The following CFAP74 variants were observed in gnomAD, a reference collection of about 807,000 sequenced individuals.
CFAP74 encodes cilia- and flagella-associated protein 74.
CFAP74 carries 124 observed loss-of-function variants against 188.9 expected under a neutral mutation model. The ratio of observed to expected loss-of-function variants is 0.66; its 90% CI spans 0.57 to 0.76. The LOEUF (loss-of-function observed/expected upper bound fraction) is 0.76, where lower values mean the gene tolerates loss of function less well. CFAP74 is among the 30% of genes least tolerant of loss of function. The pLI, the probability that CFAP74 is intolerant of heterozygous loss-of-function variation, is 0.00. For synonymous variants in CFAP74, 956 were observed against 916.7 expected (o/e 1.04, Z -0.77); for missense variants, 2,198 against 2,165.2 (o/e 1.02, Z -0.30).
rs1267246593 is a variant in CFAP74, at chr1:1,927,838, G to A, written c.3388-92C>T. On this transcript the variant is annotated intron_variant, in intron 27 of 38. Transcript: ENST00000682832. ...CTCCTCTGCGGCCAGTGCGGGAACCGCGGGAGCCGCAGTTGGGATTGAATG... is the reference window on the plus strand; with the variant it reads ...CTCCTCTGCGGCCAGTGCGGGAACCACGGGAGCCGCAGTTGGGATTGAATG... 3.6e-5 allele frequency: 50 copies of A among 1,403,436 alleles called. No individual in the cohort carries two copies. The East Asian group carries it at 8.8e-4, about 25-fold the overall frequency. 86.9% of individuals were successfully genotyped at this position (1,403,436 alleles called of 1,614,324 possible).
At chr1:1,954,839 A>T in intron 18 of CFAP74, 1 of 1,145,398 alleles carries the variant, frequency 8.7e-7, no homozygotes, top group Non-Finnish European at 1.1e-6. Flanking sequence ...ATGCCCTGTG[A>T]TGCAGGCATG....
chr1:1,975,337 C>G lies in CFAP74; in HGVS notation c.501-1139G>C, dbSNP rs1341430596. Among the ~76,000 whole-genome samples the G allele has an allele frequency of 1.3e-5, 2 of 152,152 alleles. No homozygotes were observed. ...GTTTTCTCTTTTAACGTGTTAATGT[C>G]AAGGATTTCTAACGTTGAGCCTTTT... On this transcript the variant is annotated intron_variant, in intron 6 of 38. Transcript: ENST00000682832. The surrounding 1 kb of genome is among the most constrained non-coding windows in gnomAD (Gnocchi z 4.5).
chr1:1,997,657 C>T (rs1287222668), intron 1 of CFAP74, among the ~76,000 whole-genome samples: 1 of 152,042 alleles, frequency 6.6e-6, no homozygotes, highest in Non-Finnish European at 1.5e-5. Flanking sequence ...TTTATAATCA[C>T]ATCAAAAACC....
At chr1:1,922,886 C>T (rs1651496330) in intron 37 of CFAP74, 99 bp downstream of exon 37, 2 of 1,494,562 alleles carry the variant, frequency 1.3e-6, no homozygotes, top group Non-Finnish European at 1.8e-6. Flanking sequence ...GCTGTCAGGA[C>T]AAGCCCAGTG....
chr1:1,967,911 G>A (rs563190977), intron 11 of CFAP74, among the ~76,000 whole-genome samples: 1 of 152,280 alleles, frequency 6.6e-6, no homozygotes, highest in South Asian at 2.1e-4. Flanking sequence ...GTAAGTGAGT[G>A]AATAAGTGAA....
chr1:1,953,169 A>G (rs1558019340), intron 18 of CFAP74: 1 of 152,258 alleles, frequency 6.6e-6, no homozygotes, highest in Non-Finnish European at 1.5e-5. Context: ...ACCTGGCTTC[A>G]AGGCTTTGTC....
chr1:1,927,627 C>G lies in CFAP74; in HGVS notation c.3507G>C (p.Arg1169=). The G allele has an allele frequency of 6.5e-7, 1 of 1,550,092 alleles. No homozygotes were observed. Among genetic ancestry groups the G allele is most frequent in the Non-Finnish European group, 8.7e-7 (1 of 1,146,812 alleles). Residue 1169 remains arginine (R), a synonymous_variant, in exon 28 of 39, where the codon CGG becomes CGC. Coordinates refer to ENST00000682832, the MANE Select transcript of CFAP74 (RefSeq NM_001304360.2). ...CCCACCTGGGCCTCAGCTCCCGCTTCCGCATCTCCAGGACGTGGGGGACAG... is the reference window on the plus strand; with the variant it reads ...CCCACCTGGGCCTCAGCTCCCGCTTGCGCATCTCCAGGACGTGGGGGACAG... ...KVSVPHVLEM[R]KRELRPSSDE...
At chr1:1,978,241 C>T (rs6681305) in intron 6 of CFAP74, among the ~76,000 whole-genome samples, 1,929 of 152,244 alleles carry the variant, frequency 0.013, 38 homozygotes, top group African/African-American at 0.044. Context: ...TTGAAAGCAC[C>T]GAGGGGCACT....
chr1:1,988,394 G>T, intron 4 of CFAP74, 118 bp downstream of exon 4: 1 of 1,292,778 alleles, frequency 7.7e-7, no homozygotes, highest in Non-Finnish European at 1.1e-6. Context: ...GACCCTGTGC[G>T]ACCCTCCCTT....
rs560807697 is a variant in CFAP74 at position 1,972,274 on chromosome 1, G to C, written c.786-192C>G. On this transcript the variant is annotated intron_variant, in intron 8 of 38. Coordinates refer to ENST00000682832, the MANE Select transcript of CFAP74 (RefSeq NM_001304360.2). ...TTTTTAACCGAGGAAGTGACACAGC[G>C]ATGCCGTGTGGGGTGTTAATTACAG... 2.6e-5 allele frequency among the ~76,000 whole-genome samples: 4 copies of C among 152,314 alleles called. No homozygotes were observed. The East Asian group carries it at 7.7e-4, about 29-fold the overall frequency.
At chr1:2,003,187 G>A (rs1489212347) in intron 1 of CFAP74, among the ~76,000 whole-genome samples, 1 of 152,292 alleles carries the variant, frequency 6.6e-6, no homozygotes, top group South Asian at 2.1e-4. Flanking sequence ...GTTATGCAGA[G>A]AATATCAGTC....
chr1:1,976,348 C>T (rs1376650498), intron 6 of CFAP74, among the ~76,000 whole-genome samples: 1 of 152,166 alleles, frequency 6.6e-6, no homozygotes, highest in African/African-American at 2.4e-5. Context: ...CGAGTGAGTT[C>T]ACGGAAGATC....
chr1:1,962,807 G>A (rs1330524270), intron 14 of CFAP74, among the ~76,000 whole-genome samples: 6 of 152,126 alleles, frequency 3.9e-5, no homozygotes, highest in Non-Finnish European at 7.4e-5. Context: ...GAGGATTGCT[G>A]GAGCCTGGGA....
At chr1:1,944,676 G>A (rs112640821) in intron 20 of CFAP74, among the ~76,000 whole-genome samples, 233 of 152,168 alleles carry the variant, frequency 1.5e-3, no homozygotes, top group African/African-American at 5.4e-3. Context: ...GTGCGATCTC[G>A]GCTCACTGCA....
chr1:1,970,085 T>TG (rs957867545), intron 10 of CFAP74, among the ~76,000 whole-genome samples: 6 of 151,820 alleles, frequency 4.0e-5, no homozygotes, highest in Admixed American at 6.5e-5. Context: ...GGCCCGTGGG[T>TG]GGGGGGTCCG....
chr1:1,931,974 G>A (rs1267743107), intron 25 of CFAP74, among the ~76,000 whole-genome samples: 4 of 148,406 alleles, frequency 2.7e-5, no homozygotes, highest in Non-Finnish European at 5.9e-5. Flanking sequence ...GCTGAGGCAG[G>A]AGAATTGCTT....
chr1:1,977,673 G>A (rs1656538077), intron 6 of CFAP74, among the ~76,000 whole-genome samples: 1 of 152,158 alleles, frequency 6.6e-6, no homozygotes, highest in Non-Finnish European at 1.5e-5. Flanking sequence ...CTGGGCATCT[G>A]ATGTGGACAT....
chr1:1,993,891 A>C (rs907308490), intron 1 of CFAP74, among the ~76,000 whole-genome samples: 2 of 151,322 alleles, frequency 1.3e-5, no homozygotes, highest in Non-Finnish European at 2.9e-5. Flanking sequence ...CTGAGGCAGG[A>C]GAATGGCGTG....
rs1183683518 is a variant in CFAP74, at chr1:1,968,778, T to C, written c.1102A>G (p.Lys368Glu). 6.2e-7 allele frequency: 1 copy of C among 1,614,088 alleles called. No individual in the cohort carries two copies. The highest frequency in any genetic ancestry group is 8.5e-7 in the Non-Finnish European group (1 of 1,179,966). ...CTCTTTTCCTCCTCAGCCTCCTCTT[T>C]CAGAATCCGACTGATGATCTCCTGC... ...RKQEIISRILKEEAEEEKRKK... is the reference protein window; with the variant it reads ...RKQEIISRILEEEAEEEKRKK... The change falls in exon 11 of 39, where the codon AAA becomes GAA. Residue 368 changes from lysine to glutamate, a missense_variant. Coordinates refer to ENST00000682832, the MANE Select transcript of CFAP74 (RefSeq NM_001304360.2). This position sits in a 1 kb window ranked among gnomAD's most constrained non-coding sequence, Gnocchi z 4.3.
Sources: allele counts gnomAD v4.1 joint callset (sites outside exome capture counted in the v4.1 genomes callset), GRCh38; gene constraint gnomAD v4.1.1; non-coding constraint Gnocchi (gnomAD v3.1); transcripts MANE v1.5; gene names NCBI Gene and HGNC (gene_info 2026-07-23, HGNC 2026-07-21).